The following IFI44L variants were observed in gnomAD, a reference collection of about 807,000 sequenced individuals.
The protein encoded by IFI44L is interferon induced protein 44 like.
Under a neutral mutation model 39.3 loss-of-function variants are expected in IFI44L, and 40 were observed. The observed-to-expected ratio is 1.02, with a 90% CI of 0.79 to 1.33. The LOEUF (loss-of-function observed/expected upper bound fraction) is 1.33. Ranked by LOEUF, IFI44L falls within the 40% of genes most tolerant of loss-of-function variation. The probability of loss-of-function intolerance (pLI) is 0.00; values close to 1 mark genes in which losing one functional copy is unlikely to be tolerated. For missense variants in IFI44L, 623 were observed against 549.0 expected (o/e 1.13, Z -1.35); for synonymous variants, 198 against 182.3 (o/e 1.09, Z -0.69).
intron 1 of IFI44L, among the ~76,000 whole-genome samples, chr1:78,621,876 A>G (rs1652289568): frequency 6.6e-6 from 1 of 152,112 alleles, no homozygotes; most frequent in African/African-American, 2.4e-5. Flanking sequence ...GTAATGATCA[A>G]GTCAGGGTAT....
intron 5 of IFI44L, 107 bp downstream of exon 5, chr1:78,635,596 C>T (rs1390404673): frequency 2.3e-6 from 2 of 876,246 alleles, no homozygotes; most frequent in African/African-American, 1.7e-5. Context: ...GTGGTTTCAA[C>T]ATCAATCAAC....
At chr1:78,637,229 A>T in intron 6 of IFI44L, 26 bp downstream of exon 6, 1 of 1,538,948 alleles carries the variant, frequency 6.5e-7, no homozygotes, top group Non-Finnish European at 8.8e-7. Flanking sequence ...CTTATAAAAA[A>T]ATTTACTTTG....
At chr1:78,623,757 G>A (rs2100471608) in intron 1 of IFI44L, among the ~76,000 whole-genome samples, 1 of 152,206 alleles carries the variant, frequency 6.6e-6, no homozygotes, top group East Asian at 1.9e-4. Flanking sequence ...AGAGCTGGAG[G>A]TGTAAGTCCC....
At chr1:78,626,731 T>TA (rs1261896102) in intron 1 of IFI44L, 2 of 152,010 alleles carry the variant, frequency 1.3e-5, no homozygotes, top group Non-Finnish European at 2.9e-5. Context: ...GGTTTTTTTT[T>TA]ACGTGGATGA....
Position 78,628,030 on chromosome 1 carries a change from G to T in IFI44L, c.115G>T (p.Asp39Tyr). Residue 39 changes from aspartate to tyrosine, a missense_variant, in exon 2 of 9, where the codon GAT becomes TAT. Asp to Tyr is a radical substitution (Grantham distance 160). Transcript: ENST00000370751. ...KSSVHGGSIEDMVERCSRQGC... is the reference protein window; with the variant it reads ...KSSVHGGSIEYMVERCSRQGC... Reference sequence around the variant, plus strand: ...TAGTGTTCATGGAGGTAGCATTGAAGATATGGTTGAAAGATGCAGCCGTCA... The same window carrying T: ...TAGTGTTCATGGAGGTAGCATTGAATATATGGTTGAAAGATGCAGCCGTCA... 1 of 1,613,258 alleles carries T rather than the reference G, an allele frequency of 6.2e-7. No individual in the cohort carries two copies. Among genetic ancestry groups the T allele is most frequent in the Non-Finnish European group, 8.5e-7 (1 of 1,179,476 alleles).
intron 1 of IFI44L, among the ~76,000 whole-genome samples, chr1:78,623,389 G>GTTTTTTTTTTTTTTTTTTTTTTTTTTTTT (rs1222507453): frequency 5.0e-5 from 1 of 19,926 alleles, no homozygotes; most frequent in African/African-American, 1.3e-4. Flanking sequence ...TGGTTTAAGT[G>GTTTTTTTTTTTTTTTTTTTTTTTTTTTTT]TTTTTTGTTT....
rs374925837 is a variant in IFI44L at position 78,628,008 on chromosome 1, T to C, written c.93T>C (p.Ser31=). 160 of 1,613,190 alleles carry C rather than the reference T, an allele frequency of 9.9e-5. No individual in the cohort carries two copies. Among genetic ancestry groups the C allele is most frequent in the Middle Eastern group, 3.3e-4 (2 of 6,054 alleles). The change falls in exon 2 of 9, where the codon AGT becomes AGC. Residue 31 remains serine, a synonymous_variant. Transcript: ENST00000370751. ...NVSLSLLYKS[S]VHGGSIEDMV... ...CTTTGAGTCTTCTCTATAAGTCTAG[T>C]GTTCATGGAGGTAGCATTGAAGATA...
Position 78,643,652 on chromosome 1 carries a change from G to GTTTTTTTTTTTTTTTTTTTTTTTTT in IFI44L, c.*1858_*1859insTTTTTTTTTTTTTTTTTTTTTTTTT, listed in dbSNP as rs199785880. Reference sequence around the variant, plus strand: ...TTTGTTTTGTTTTTTTTTTGTTGTTGTTTTTTTTTTTTTTTGTTTTTTTGC... The same window carrying GTTTTTTTTTTTTTTTTTTTTTTTTT: ...TTTGTTTTGTTTTTTTTTTGTTGTTGTTTTTTTTTTTTTTTTTTTTTTTTTTTTTTTTTTTTTTTTGTTTTTTTGC... On this transcript the variant is annotated 3_prime_UTR_variant, in exon 9 of 9. Coordinates refer to ENST00000370751, the MANE Select transcript of IFI44L (RefSeq NM_006820.4). 1 of 95,908 alleles carries GTTTTTTTTTTTTTTTTTTTTTTTTT rather than the reference G, an allele frequency of 1.0e-5. No individual in the cohort carries two copies. Among genetic ancestry groups the GTTTTTTTTTTTTTTTTTTTTTTTTT allele is most frequent in the African/African-American group, 3.0e-5 (1 of 33,686 alleles). The allele number at this position is 95,908 out of a possible 1,614,324, so 5.9% of individuals were successfully genotyped here. A position where few individuals can be genotyped will look rare whatever the true frequency, so the allele number is the denominator to read the frequency against.
rs759956673 is a variant in IFI44L, at chr1:78,635,334, C to T, written c.724-3C>T. 6.3e-7 allele frequency: 1 copy of T among 1,576,330 alleles called. No homozygotes were observed. Among genetic ancestry groups the T allele is most frequent in the African/African-American group, 1.4e-5 (1 of 73,690 alleles). ...CTTTACACTTAATGTATTTTTTTAA[C>T]AGTATAGGATATATTCTGTTAAAGA... On this transcript the variant is annotated splice_polypyrimidine_tract_variant and splice_region_variant and intron_variant, in intron 4 of 8. Coordinates refer to ENST00000370751, the MANE Select transcript of IFI44L (RefSeq NM_006820.4).
Position 78,641,815 on chromosome 1 carries a change from G to T in IFI44L, c.*6G>T, listed in dbSNP as rs1328948830. The stretch of plus-strand genomic sequence containing the variant: ...CGTTACAGCCCTGCATTTGAGATAA[G>T]TTGCCTTGATTCTGACATTTGGCCC... On this transcript the variant is annotated 3_prime_UTR_variant, in exon 9 of 9. Transcript: ENST00000370751. 2 of 1,613,480 alleles carry T rather than the reference G, an allele frequency of 1.2e-6. No homozygotes were observed. Among genetic ancestry groups the T allele is most frequent in the Admixed American group, 3.3e-5 (2 of 59,986 alleles).
Position 78,628,281 on chromosome 1 carries a change from C to A in IFI44L, c.366C>A (p.Phe122Leu), listed in dbSNP as rs1652579247. The A allele has an allele frequency of 6.2e-7, 1 of 1,606,872 alleles. No individual in the cohort carries two copies. Among genetic ancestry groups the A allele is most frequent in the African/African-American group, 1.3e-5 (1 of 74,686 alleles). The change falls in exon 2 of 9, where the codon TTC becomes TTA. Residue 122 changes from phenylalanine to leucine, a missense_variant. Physicochemically the swap from Phe to Leu is conservative, Grantham distance 22 (BLOSUM62 0). Coordinates refer to ENST00000370751, the MANE Select transcript of IFI44L (RefSeq NM_006820.4). ...GTCGTTTATCGAAAACGGATATTTTCATTATATGTCGAGATAATAAAATTT... is the reference window on the plus strand; with the variant it reads ...GTCGTTTATCGAAAACGGATATTTTAATTATATGTCGAGATAATAAAATTT... ...LVCRLSKTDIFIICRDNKIYL... is the reference protein window; with the variant it reads ...LVCRLSKTDILIICRDNKIYL...
rs527636636 is a variant in IFI44L, at chr1:78,644,584, T to A, written c.*2775T>A. 64 of 152,312 alleles carry A rather than the reference T, an allele frequency of 4.2e-4. 1 individual carries two copies. The highest frequency in any genetic ancestry group is 1.5e-3 in the African/African-American group (63 of 41,576). 9.4% of individuals were successfully genotyped at this position (152,312 alleles called of 1,614,324 possible). ...GGAGGATATTTTCCATTTTGTGGAT[T>A]TCCCTGATCTTTTTCTACCACCCTG... is the stretch of plus-strand genomic sequence containing the variant. On this transcript the variant is annotated 3_prime_UTR_variant, in exon 9 of 9. Coordinates refer to ENST00000370751, the MANE Select transcript of IFI44L (RefSeq NM_006820.4).
At position 78,645,697 on chromosome 1, in the gene IFI44L, T is replaced by C. The variant is rs1647038372; in HGVS notation, c.*3888T>C. The C allele has an allele frequency of 6.6e-6, 1 of 152,162 alleles. No homozygotes were observed. The highest frequency in any genetic ancestry group is 6.5e-5 in the Admixed American group (1 of 15,268). 9.4% of individuals were successfully genotyped at this position (152,162 alleles called of 1,614,324 possible). A position where few individuals can be genotyped will look rare whatever the true frequency, so the allele number is the denominator to read the frequency against. On this transcript the variant is annotated 3_prime_UTR_variant, in exon 9 of 9. Coordinates refer to ENST00000370751, the MANE Select transcript of IFI44L (RefSeq NM_006820.4). ...GGAAGCCCTCAAATCCCATTCCTAATCTGATGAGTCTATGGACCAATTTGT... is the reference window on the plus strand; with the variant it reads ...GGAAGCCCTCAAATCCCATTCCTAACCTGATGAGTCTATGGACCAATTTGT...
chr1:78,640,380 A>G lies in IFI44L; in HGVS notation c.1049-641A>G, dbSNP rs374745756. 1.2e-3 allele frequency among the ~76,000 whole-genome samples: 184 copies of G among 152,280 alleles called. 5 individuals are homozygous for G. The South Asian group carries it at 0.036, about 30-fold the overall frequency. On this transcript the variant is annotated intron_variant, in intron 6 of 8. Coordinates refer to ENST00000370751, the MANE Select transcript of IFI44L (RefSeq NM_006820.4). ...AGTTATTCCTCTGAAACCTGAATGA[A>G]GAGAAGGTAGTAAAGGAAATCATTT... is the stretch of plus-strand genomic sequence containing the variant.
intron 4 of IFI44L, among the ~76,000 whole-genome samples, chr1:78,632,789 T>C (rs1351273547): frequency 4.6e-5 from 7 of 152,162 alleles, no homozygotes; most frequent in Admixed American, 4.6e-4. Context: ...GAGATTACAG[T>C]TATATTCTTT....
chr1:78,626,527 C>G (rs1652492772), intron 1 of IFI44L: 1 of 151,954 alleles, frequency 6.6e-6, no homozygotes, highest in African/African-American at 2.4e-5. Context: ...TTCTTTTCAT[C>G]CAGACAAGAT....
intron 4 of IFI44L, among the ~76,000 whole-genome samples, chr1:78,633,239 G>A (rs952755609): frequency 3.3e-5 from 5 of 152,146 alleles, no homozygotes; most frequent in Non-Finnish European, 7.4e-5. Context: ...ACTTTGCCTG[G>A]ACTCCAATAT....
In IFI44L at chr1:78,642,120, G is replaced by A; in HGVS notation, c.*311G>A. The A allele has an allele frequency of 2.3e-6, 1 of 428,534 alleles. No individual in the cohort carries two copies. The highest frequency in any genetic ancestry group is 4.2e-6 in the Non-Finnish European group (1 of 236,084). The allele number at this position is 428,534 out of a possible 1,614,324, so 26.5% of individuals were successfully genotyped here. A position where few individuals can be genotyped will look rare whatever the true frequency, so the allele number is the denominator to read the frequency against. On this transcript the variant is annotated 3_prime_UTR_variant, in exon 9 of 9. Transcript: ENST00000370751. ...TCTATAACACTCTATATAGAGCTAT[G>A]TGAGTACTAATCACATTGAATAATA...
chr1:78,621,098 A>T (rs1652257459), intron 1 of IFI44L: 1 of 152,162 alleles, frequency 6.6e-6, no homozygotes, highest in Admixed American at 6.5e-5. Context: ...TTTGTCTTTT[A>T]TTTTAATGAA....
Sources: allele counts gnomAD v4.1 joint callset (sites outside exome capture counted in the v4.1 genomes callset), GRCh38; gene constraint gnomAD v4.1.1; transcripts MANE v1.5; gene names NCBI Gene and HGNC (gene_info 2026-07-23, HGNC 2026-07-21).